Variants in CCDC88A observed in about 807,000 individuals in gnomAD.
The protein encoded by CCDC88A is coiled-coil and HOOK domain protein 88A, also known as girdin.
CCDC88A carries 54 observed loss-of-function variants against 234.3 expected under a neutral mutation model. The observed-to-expected ratio is 0.23, with a 90% CI of 0.19 to 0.29. The LOEUF (loss-of-function observed/expected upper bound fraction) is 0.29. Ranked by LOEUF, CCDC88A falls within the 10% of genes least tolerant of loss-of-function variation. The probability of loss-of-function intolerance (pLI) is 1.00; values close to 1 mark genes in which losing one functional copy is unlikely to be tolerated. For missense variants in CCDC88A, 1,832 were observed against 2,123.4 expected (o/e 0.86, Z 2.70); for synonymous variants, 753 against 737.8 (o/e 1.02, Z -0.33).
chr2:55,294,666 G>A, intron 31 of CCDC88A: 1 of 992,132 alleles, frequency 1.0e-6, no homozygotes, highest in Non-Finnish European at 1.2e-6. Context: ...AGGAAGGGAG[G>A]GAGGAAATGA....
chr2:55,390,393 A>G (rs1346380761), intron 2 of CCDC88A, among the ~76,000 whole-genome samples: 1 of 152,002 alleles, frequency 6.6e-6, no homozygotes, highest in East Asian at 1.9e-4. Context: ...GCTTTCCACC[A>G]CTCCCAATAA....
intron 2 of CCDC88A, among the ~76,000 whole-genome samples, chr2:55,395,900 CAAAT>C (rs1677454463): frequency 6.6e-6 from 1 of 152,126 alleles, no homozygotes; most frequent in Admixed American, 6.5e-5. Context: ...GTGAGTCTCT[CAAAT>C]AAAAGCATCT....
At chr2:55,315,849 T>C (rs912997921) in intron 22 of CCDC88A, 79 bp downstream of exon 22, 17 of 784,820 alleles carry the variant, frequency 2.2e-5, no homozygotes, top group South Asian at 1.9e-4. Flanking sequence ...AGTATTGTCA[T>C]TGTAATCTAG....
Position 55,301,239 on chromosome 2 carries a change from T to C in CCDC88A, c.4711A>G (p.Ser1571Gly). Residue 1571 changes from serine to glycine, a missense_variant, in exon 28 of 33, where the codon AGT becomes GGT. Transcript: ENST00000436346. ...SFEDISPQGV[S>G]DDSSTGSRVH... ...CTTGATCCCGTACTAGAATCATCAC[T>C]AACACCTTGTGGACTTATGTCTTCA... 1.3e-6 allele frequency: 2 copies of C among 1,597,984 alleles called. No individual in the cohort carries two copies. Among genetic ancestry groups the C allele is most frequent in the Non-Finnish European group, 1.7e-6 (2 of 1,168,628 alleles).
In CCDC88A at chr2:55,344,407, C is replaced by G. The variant is rs1668852476; in HGVS notation, c.1149G>C (p.Glu383Asp). Residue 383 changes from glutamate to aspartate, a missense_variant, in exon 11 of 33, where the codon GAG (glutamate) becomes GAC (aspartate). Glu to Asp is a conservative substitution (Grantham distance 45). This residue lies in a region of CCDC88A where 1,282 missense variants were observed against 1,543.6 expected (regional missense o/e 0.83). Coordinates refer to ENST00000436346, the MANE Select transcript of CCDC88A (RefSeq NM_001365480.1). ...GAAGTTTAGCTTTCAGTTGTAAGTTCTCTTTTTCTAATTCATGTAATTTAT... is the reference window on the plus strand; with the variant it reads ...GAAGTTTAGCTTTCAGTTGTAAGTTGTCTTTTTCTAATTCATGTAATTTAT... ...RSDKLHELEK[E>D]NLQLKAKLHD... 6.3e-7 allele frequency: 1 copy of G among 1,593,558 alleles called. No individual in the cohort carries two copies. Among genetic ancestry groups the G allele is most frequent in the African/African-American group, 1.3e-5 (1 of 74,304 alleles).
chr2:55,382,455 T>C (rs1674749007), intron 3 of CCDC88A, among the ~76,000 whole-genome samples: 1 of 152,194 alleles, frequency 6.6e-6, no homozygotes, highest in Non-Finnish European at 1.5e-5. Context: ...TTAATACTTA[T>C]TCAAACTGCG....
intron 5 of CCDC88A, among the ~76,000 whole-genome samples, chr2:55,370,641 CA>C (rs567431857): frequency 0.32 from 15,277 of 47,082 alleles, 1,096 homozygotes; most frequent in East Asian, 0.57. Context: ...AACTCTGTCT[CA>C]AAAAAAAAAA....
At chr2:55,350,615 T>A (rs1201343651) in intron 8 of CCDC88A, 1 of 148,546 alleles carries the variant, frequency 6.7e-6, no homozygotes, top group Non-Finnish European at 1.5e-5. Context: ...ATATATATTA[T>A]AAAATATAAT....
Position 55,309,179 on chromosome 2 carries a change from G to T in CCDC88A, c.4155C>A (p.Asp1385Glu). ...AATGGTACCTTCTAGGAGGAGATGG[G>T]TCATAAAATTTGTATTGATCCATAA... ...EKIMDQYKFY[D>E]PSPPRRRGNW... The change falls in exon 24 of 33, where the codon GAC becomes GAA. Residue 1385 changes from aspartate to glutamate, a missense_variant. Coordinates refer to ENST00000436346, the MANE Select transcript of CCDC88A (RefSeq NM_001365480.1). This position sits in a 1 kb window ranked among gnomAD's most constrained non-coding sequence, Gnocchi z 5.1. The T allele has an allele frequency of 6.4e-7, 1 of 1,561,404 alleles. No homozygotes were observed. Among genetic ancestry groups the T allele is most frequent in the Non-Finnish European group, 8.8e-7 (1 of 1,139,556 alleles).
rs1669073293 is a variant in CCDC88A, at chr2:55,346,055, A to C, written c.1041+120T>G. ...AATCTATCATAAAATAAACATACCCAAATGTATTTACTGTTTGTTCACCAT... is the reference window on the plus strand; with the variant it reads ...AATCTATCATAAAATAAACATACCCCAATGTATTTACTGTTTGTTCACCAT... On this transcript the variant is annotated intron_variant, in intron 10 of 32. Coordinates refer to ENST00000436346, the MANE Select transcript of CCDC88A (RefSeq NM_001365480.1). 2.1e-5 allele frequency: 14 copies of C among 666,410 alleles called. No homozygotes were observed. The East Asian group carries it at 3.9e-4, about 19-fold the overall frequency. 41.3% of individuals were successfully genotyped at this position (666,410 alleles called of 1,614,324 possible).
At chr2:55,315,833 T>A (rs985379914) in intron 22 of CCDC88A, 95 bp downstream of exon 22, 1 of 627,834 alleles carries the variant, frequency 1.6e-6, no homozygotes, top group African/African-American at 1.9e-5. Context: ...CCACTAAATA[T>A]ATACTAGTAT....
intron 2 of CCDC88A, among the ~76,000 whole-genome samples, chr2:55,390,423 G>A (rs1050354225): frequency 1.2e-4 from 19 of 152,244 alleles, no homozygotes; most frequent in African/African-American, 4.6e-4. Context: ...TTTGTCCCCT[G>A]ACCACATTCT....
At position 55,334,296 on chromosome 2, in the gene CCDC88A, C is replaced by T. The variant is rs769053920; in HGVS notation, c.2525G>A (p.Arg842Gln). Residue 842 changes from arginine (R) to glutamine (Q), a missense_variant, in exon 15 of 33, where the codon CGA becomes CAA. By Grantham distance (43) the Arg-to-Gln change is conservative (BLOSUM62 1). This residue lies in a region of CCDC88A where 1,282 missense variants were observed against 1,543.6 expected (regional missense o/e 0.83). Coordinates refer to ENST00000436346, the MANE Select transcript of CCDC88A (RefSeq NM_001365480.1). This position sits in a 1 kb window ranked among gnomAD's most constrained non-coding sequence, Gnocchi z 6.1. ...GGTATCTTTAATTTCTGCTTGTTGT[C>T]GGAGTCTCTTATTTTCCTTCTCCAA... ...KQLEKENKRLRQQAEIKDTTL... is the reference protein window; with the variant it reads ...KQLEKENKRLQQQAEIKDTTL... 2.7e-6 allele frequency: 4 copies of T among 1,455,224 alleles called. No individual in the cohort carries two copies. The highest frequency in any genetic ancestry group is 3.6e-6 in the Non-Finnish European group (4 of 1,106,398). 90.1% of individuals were successfully genotyped at this position (1,455,224 alleles called of 1,614,324 possible). A position where few individuals can be genotyped will look rare whatever the true frequency, so the allele number is the denominator to read the frequency against.
chr2:55,359,570 G>GC (rs369159312), intron 7 of CCDC88A, among the ~76,000 whole-genome samples: 32 of 150,538 alleles, frequency 2.1e-4, no homozygotes, highest in Admixed American at 1.5e-3. Flanking sequence ...AATTTCGTAT[G>GC]CCCCCCCATT....
At chr2:55,318,815 G>A in intron 19 of CCDC88A, 28 bp downstream of exon 19, 4 of 1,522,300 alleles carry the variant, frequency 2.6e-6, no homozygotes, top group Non-Finnish European at 2.7e-6. Flanking sequence ...GAGTTTGGTT[G>A]CATATTCCCA....
chr2:55,344,300 G>C (rs998477223), intron 11 of CCDC88A, 68 bp downstream of exon 11: 116 of 1,169,166 alleles, frequency 9.9e-5, no homozygotes, highest in Non-Finnish European at 1.3e-4. Context: ...TGCCAATACA[G>C]GGAAATCAGC....
chr2:55,398,344 CTATT>C (rs1474657702), intron 2 of CCDC88A, among the ~76,000 whole-genome samples: 2 of 152,116 alleles, frequency 1.3e-5, no homozygotes, highest in Admixed American at 6.5e-5. Flanking sequence ...TGAAAAGTTC[CTATT>C]TCTTTATAAT....
intron 7 of CCDC88A, 134 bp from the exon 8 acceptor site, chr2:55,355,885 A>T (rs998302646): frequency 1.6e-6 from 1 of 626,214 alleles, no homozygotes; most frequent in African/African-American, 1.8e-5. Flanking sequence ...CTTAACTATC[A>T]TATTTAGTTG....
chr2:55,408,237 G>C (rs1391623424), intron 2 of CCDC88A, among the ~76,000 whole-genome samples: 1 of 151,934 alleles, frequency 6.6e-6, no homozygotes, highest in African/African-American at 2.4e-5. Context: ...CTCTGACCTT[G>C]ACCTCCTATC....
Sources: gnomAD v4.1 joint callset for allele counts (sites outside exome capture counted in the v4.1 genomes callset) on GRCh38, gnomAD v4.1.1 for gene constraint, gnomAD v4.1.1 regional missense constraint, Gnocchi (gnomAD v3.1) non-coding constraint, MANE v1.5 for transcripts, NCBI Gene and HGNC (gene_info 2026-07-23, HGNC 2026-07-21) for gene names.